The following MGMT variants were observed in gnomAD, a reference collection of about 807,000 sequenced individuals.
MGMT encodes the protein O-6-methylguanine-DNA methyltransferase.
MGMT carries 14 observed loss-of-function variants against 15.9 expected under a neutral mutation model. That is an observed-to-expected ratio of 0.88 (90% CI 0.58 to 1.37). The LOEUF (loss-of-function observed/expected upper bound fraction) is 1.37. Among genes scored for constraint, MGMT ranks in the 40% most tolerant of loss-of-function variants. MGMT has a pLI of 0.00. For missense variants in MGMT, 282 were observed against 268.1 expected, an observed-to-expected ratio of 1.05 and a Z score of -0.36; for synonymous variants, 130 against 118.2, an observed-to-expected ratio of 1.10 and a Z score of -0.65.
rs149410325 is a variant in MGMT at position 129,727,726 on chromosome 10, A to G, written c.274+19683A>G. ...TGTAGGAGATGCAAAGGTGACTCGCAGCATCCCCCAAGAATGCCTGGGCTT... is the reference window on the plus strand; with the variant it reads ...TGTAGGAGATGCAAAGGTGACTCGCGGCATCCCCCAAGAATGCCTGGGCTT... On this transcript the variant is annotated intron_variant, in intron 3 of 4. Transcript: ENST00000651593. Among the ~76,000 whole-genome samples the G allele has an allele frequency of 9.8e-4, 149 of 152,298 alleles. 2 individuals carry two copies. In the East Asian group the frequency reaches 0.027, roughly 27 times the overall value.
At position 129,628,455 on chromosome 10, in the gene MGMT, G is replaced by C. The variant is rs78337077; in HGVS notation, c.126-79440G>C. 5.6e-4 allele frequency among the ~76,000 whole-genome samples: 86 copies of C among 152,302 alleles called. No homozygotes were observed. In the East Asian group the frequency reaches 0.013, roughly 24 times the overall value. ...CGGTCGCTGGGCAGTGCTGGTCACT[G>C]CCTTTCTTTGGTTGAGCTGGTCTTG... On this transcript the variant is annotated intron_variant, in intron 2 of 4. Coordinates refer to ENST00000651593, the MANE Select transcript of MGMT (RefSeq NM_002412.5).
At chr10:129,570,111 G>A (rs1283113917) in intron 2 of MGMT, among the ~76,000 whole-genome samples, 1 of 152,226 alleles carries the variant, frequency 6.6e-6, no homozygotes, top group African/African-American at 2.4e-5. Flanking sequence ...ACCCTCACGT[G>A]CATGGCCGCA....
chr10:129,610,751 A>G (rs1406913995), intron 2 of MGMT, among the ~76,000 whole-genome samples: 1 of 152,240 alleles, frequency 6.6e-6, no homozygotes, highest in Non-Finnish European at 1.5e-5. Context: ...AATGTGTGTA[A>G]TATCTGGCTC....
intron 2 of MGMT, among the ~76,000 whole-genome samples, chr10:129,582,847 G>A (rs1846572807): frequency 6.6e-6 from 1 of 152,128 alleles, no homozygotes; most frequent in African/African-American, 2.4e-5. Context: ...ATTGACTGCA[G>A]GCCCTGTGGA....
intron 2 of MGMT, among the ~76,000 whole-genome samples, chr10:129,571,371 C>T (rs1473881847): frequency 6.6e-6 from 1 of 152,164 alleles, no homozygotes; most frequent in Non-Finnish European, 1.5e-5. Context: ...AATTGAACAA[C>T]ATAATCTGCA....
At chr10:129,738,285 G>C (rs1009828204) in intron 3 of MGMT, among the ~76,000 whole-genome samples, 6 of 152,242 alleles carry the variant, frequency 3.9e-5, no homozygotes, top group African/African-American at 1.4e-4. Flanking sequence ...CGTCGGAAAA[G>C]GGCAGTATTC....
chr10:129,707,466 T>C (rs997161210), intron 2 of MGMT, among the ~76,000 whole-genome samples: 2 of 152,082 alleles, frequency 1.3e-5, no homozygotes, highest in Non-Finnish European at 1.5e-5. Context: ...CACACGGCCA[T>C]GGAGGAGGCA....
At chr10:129,519,244 A>G (rs1296064773) in intron 1 of MGMT, among the ~76,000 whole-genome samples, 2 of 152,192 alleles carry the variant, frequency 1.3e-5, no homozygotes, top group East Asian at 3.8e-4. Context: ...CTGGTATTTT[A>G]TTCTTGCATT....
chr10:129,696,784 C>T (rs1050175691), intron 2 of MGMT, among the ~76,000 whole-genome samples: 1 of 152,216 alleles, frequency 6.6e-6, no homozygotes, highest in Admixed American at 6.5e-5. Flanking sequence ...TCCCAGGGCT[C>T]ACTGGAACAG....
intron 2 of MGMT, among the ~76,000 whole-genome samples, chr10:129,636,678 C>A (rs1276526316): frequency 1.3e-5 from 2 of 152,116 alleles, no homozygotes; most frequent in Admixed American, 1.3e-4. Context: ...TTTGTGGATA[C>A]CCATTTTCCC....
chr10:129,728,952 C>T (rs1848464551), intron 3 of MGMT, among the ~76,000 whole-genome samples: 1 of 152,128 alleles, frequency 6.6e-6, no homozygotes, highest in South Asian at 2.1e-4. Context: ...GGGTCTTTTC[C>T]CCATGTCACG....
At chr10:129,639,534 CT>C (rs1847303272) in intron 2 of MGMT, among the ~76,000 whole-genome samples, 1 of 152,162 alleles carries the variant, frequency 6.6e-6, no homozygotes, top group South Asian at 2.1e-4. Flanking sequence ...CTGGAATACA[CT>C]TAACAAAGGC....
At chr10:129,551,288 A>T (rs1382244825) in intron 2 of MGMT, among the ~76,000 whole-genome samples, 2 of 152,180 alleles carry the variant, frequency 1.3e-5, no homozygotes, top group Non-Finnish European at 2.9e-5. Flanking sequence ...TGGGTTAACC[A>T]TTTGGCTTTT....
At chr10:129,504,930 GT>G (rs35900600) in intron 1 of MGMT, among the ~76,000 whole-genome samples, 25,572 of 151,452 alleles carry the variant, frequency 0.17, 3,452 homozygotes, top group African/African-American at 0.38. Flanking sequence ...ATGTGGTAGG[GT>G]TTTTTTTTCT....
intron 2 of MGMT, among the ~76,000 whole-genome samples, chr10:129,584,031 T>C (rs762570656): frequency 6.6e-6 from 1 of 152,188 alleles, no homozygotes; most frequent in Non-Finnish European, 1.5e-5. Context: ...AAGTCTCCGA[T>C]GCAGAAGCGG....
chr10:129,708,757 T>C (rs1312619935), intron 3 of MGMT, among the ~76,000 whole-genome samples: 2 of 152,224 alleles, frequency 1.3e-5, no homozygotes, highest in Non-Finnish European at 2.9e-5. Flanking sequence ...TGAACATATA[T>C]TCATATATGA....
intron 2 of MGMT, among the ~76,000 whole-genome samples, chr10:129,612,420 C>T (rs1012390932): frequency 2.6e-5 from 4 of 152,180 alleles, no homozygotes; most frequent in African/African-American, 9.7e-5. Context: ...GCCCTGGCTG[C>T]GGAGGAAGTC....
At chr10:129,596,837 T>G (rs1209145522) in intron 2 of MGMT, among the ~76,000 whole-genome samples, 2 of 152,152 alleles carry the variant, frequency 1.3e-5, no homozygotes, top group African/African-American at 4.8e-5. Flanking sequence ...ACAGCCCAAC[T>G]TTAACAGTGG....
chr10:129,723,911 G>A (rs1024519860), intron 3 of MGMT, among the ~76,000 whole-genome samples: 5 of 152,144 alleles, frequency 3.3e-5, no homozygotes, highest in Admixed American at 1.3e-4. Flanking sequence ...CTCGCCTCTC[G>A]TATACATTGG....
Sources: gnomAD v4.1 joint callset for allele counts (sites outside exome capture counted in the v4.1 genomes callset) on GRCh38, gnomAD v4.1.1 for gene constraint, MANE v1.5 for transcripts, NCBI Gene and HGNC (gene_info 2026-07-23, HGNC 2026-07-21) for gene names.